Variants in CEP85L observed in about 807,000 individuals in gnomAD.
The protein encoded by CEP85L is centrosomal protein of 85 kDa-like.
CEP85L carries 60 observed loss-of-function variants against 100.3 expected under a neutral mutation model. That is an observed-to-expected ratio of 0.60 (90% confidence interval 0.49 to 0.74). The LOEUF is 0.74. CEP85L is among the 30% of genes least tolerant of loss of function. The pLI, the probability that CEP85L is intolerant of heterozygous loss-of-function variation, is 0.00. For synonymous variants in CEP85L, 319 were observed against 322.7 expected (o/e 0.99, Z 0.12); for missense variants, 973 against 936.2 (o/e 1.04, Z -0.51).
intron 2 of CEP85L, among the ~76,000 whole-genome samples, chr6:118,578,081 G>A (rs1167631327): frequency 2.6e-5 from 4 of 152,180 alleles, no homozygotes; most frequent in African/African-American, 9.7e-5. Context: ...GAGGGAAACT[G>A]TTAAGGACAG....
chr6:118,679,285 C>T (rs760278745), intron 1 of CEP85L, among the ~76,000 whole-genome samples: 5 of 152,004 alleles, frequency 3.3e-5, no homozygotes, highest in Non-Finnish European at 7.4e-5. Context: ...GTGTTCTTAG[C>T]ACCTAAAGAG....
chr6:118,578,665 G>A (rs937053653), intron 2 of CEP85L, among the ~76,000 whole-genome samples: 40 of 152,218 alleles, frequency 2.6e-4, no homozygotes, highest in African/African-American at 8.2e-4. Context: ...GGAGGCGGAC[G>A]TTGCCATGAG....
intron 4 of CEP85L, among the ~76,000 whole-genome samples, chr6:118,516,721 C>A (rs1350221668): frequency 6.6e-6 from 1 of 152,096 alleles, no homozygotes; most frequent in Admixed American, 6.5e-5. Flanking sequence ...ATGATAGTTT[C>A]TTTTGCTGTG....
chr6:118,514,538 A>AAAAG (rs1562217556), intron 4 of CEP85L, among the ~76,000 whole-genome samples: 2 of 148,048 alleles, frequency 1.4e-5, no homozygotes, highest in Non-Finnish European at 3.0e-5. Context: ...AAAAAAAAAA[A>AAAAG]AAAAAGAAAA....
intron 4 of CEP85L, among the ~76,000 whole-genome samples, chr6:118,517,476 T>C (rs1776348474): frequency 6.6e-6 from 1 of 152,244 alleles, no homozygotes; most frequent in Non-Finnish European, 1.5e-5. Flanking sequence ...TTAAGTTCTA[T>C]TCCTAGATAT....
intron 1 of CEP85L, among the ~76,000 whole-genome samples, chr6:118,697,367 C>G (rs1777248594): frequency 6.6e-6 from 1 of 152,226 alleles, no homozygotes; most frequent in African/African-American, 2.4e-5. Flanking sequence ...TGGTCTTTAT[C>G]TTTCCACTTC....
At chr6:118,619,938 C>T (rs2115270819) in intron 2 of CEP85L, among the ~76,000 whole-genome samples, 1 of 152,290 alleles carries the variant, frequency 6.6e-6, no homozygotes, top group South Asian at 2.1e-4. Flanking sequence ...CCCCACAGGG[C>T]AACAGGAGGT....
At chr6:118,662,919 A>G (rs1268489680) in intron 1 of CEP85L, among the ~76,000 whole-genome samples, 2 of 152,192 alleles carry the variant, frequency 1.3e-5, no homozygotes, top group Non-Finnish European at 2.9e-5. Context: ...TGGAAAGAGC[A>G]TAAGTATTGA....
chr6:118,570,074 G>A (rs1779795102), intron 2 of CEP85L, among the ~76,000 whole-genome samples: 1 of 152,076 alleles, frequency 6.6e-6, no homozygotes, highest in Non-Finnish European at 1.5e-5. Flanking sequence ...GTAGATGCGT[G>A]CATATCTATA....
chr6:118,543,794 G>A (rs372861415), intron 3 of CEP85L, among the ~76,000 whole-genome samples: 30 of 152,266 alleles, frequency 2.0e-4, no homozygotes, highest in East Asian at 1.2e-3. Flanking sequence ...TTTTCATCTC[G>A]AAAGAGAAAT....
At chr6:118,625,717 A>C (rs1012306621) in intron 2 of CEP85L, among the ~76,000 whole-genome samples, 1 of 152,230 alleles carries the variant, frequency 6.6e-6, no homozygotes, top group Non-Finnish European at 1.5e-5. Flanking sequence ...ACGTAGAAAG[A>C]GTGAACTCCA....
intron 2 of CEP85L, among the ~76,000 whole-genome samples, chr6:118,599,772 T>C (rs754876487): frequency 6.6e-5 from 10 of 152,208 alleles, no homozygotes; most frequent in Admixed American, 6.5e-4. Context: ...ATCTGTAGTA[T>C]TCTTGCCAAA....
In CEP85L at chr6:118,667,065, G is replaced by A. The variant is rs540331030; in HGVS notation, c.-27-14257C>T. ...AAGACTTATTGAGTGTCCTCTATAT[G>A]TCAGGTACTGTTAGGCACCAAGTGA... On this transcript the variant is annotated intron_variant, in intron 1 of 13. Transcript: ENST00000368488. Among the ~76,000 whole-genome samples, 52 of 152,278 alleles carry A rather than the reference G, an allele frequency of 3.4e-4. No individual in the cohort carries two copies. The South Asian group carries it at 1.0e-2, about 29-fold the overall frequency.
intron 2 of CEP85L, among the ~76,000 whole-genome samples, chr6:118,568,972 CTT>C (rs1303523147): frequency 5.9e-5 from 9 of 151,890 alleles, no homozygotes; most frequent in Non-Finnish European, 7.4e-5. Context: ...AAAAATTAGT[CTT>C]GTATCAAGTT....
chr6:118,693,877 C>T (rs1038533702), intron 1 of CEP85L, among the ~76,000 whole-genome samples: 2 of 152,188 alleles, frequency 1.3e-5, no homozygotes, highest in African/African-American at 4.8e-5. Context: ...AAATTAGCCC[C>T]CAATTTCAAA....
intron 1 of CEP85L, among the ~76,000 whole-genome samples, chr6:118,632,836 C>G (rs944897982): frequency 6.6e-6 from 1 of 152,190 alleles, no homozygotes; most frequent in African/African-American, 2.4e-5. Context: ...ACTCTGTTTT[C>G]TGCTTCCGGG....
chr6:118,666,749 C>T (rs1190269996), intron 1 of CEP85L, among the ~76,000 whole-genome samples: 1 of 150,058 alleles, frequency 6.7e-6, no homozygotes, highest in African/African-American at 2.4e-5. Flanking sequence ...CTTATTATCA[C>T]ATTTGGGATT....
chr6:118,576,278 T>A (rs527697333), intron 2 of CEP85L, among the ~76,000 whole-genome samples: 8 of 152,160 alleles, frequency 5.3e-5, no homozygotes, highest in Non-Finnish European at 1.2e-4. Context: ...CGAGATTACA[T>A]CCTTGTCAAA....
chr6:118,616,413 C>T (rs1438411353), intron 2 of CEP85L, among the ~76,000 whole-genome samples: 2 of 151,962 alleles, frequency 1.3e-5, no homozygotes, highest in South Asian at 2.1e-4. Context: ...AAGCCTGTAA[C>T]CAAAGCTACT....
Sources: allele counts gnomAD v4.1 joint callset (sites outside exome capture counted in the v4.1 genomes callset), GRCh38; gene constraint gnomAD v4.1.1; transcripts MANE v1.5; gene names NCBI Gene and HGNC (gene_info 2026-07-23, HGNC 2026-07-21).